The following LAMA3 variants were observed in gnomAD, a reference collection of about 807,000 sequenced individuals.
The protein encoded by LAMA3 is laminin subunit alpha 3, also known as laminin subunit alpha-3.
A neutral mutation model predicts 402.0 loss-of-function variants in LAMA3; 281 were observed. That is an observed-to-expected ratio of 0.70 (90% CI 0.63 to 0.77). The LOEUF is 0.77. LAMA3 is among the 30% of genes least tolerant of loss of function. The probability of loss-of-function intolerance (pLI) is 0.00; values close to 1 mark genes in which losing one functional copy is unlikely to be tolerated. For synonymous variants in LAMA3, 1,431 were observed against 1,558.4 expected (o/e 0.92, Z 1.93); for missense variants, 3,840 against 4,215.5 (o/e 0.91, Z 2.47).
rs1157952635 is a variant in LAMA3, at chr18:23,839,627, C to G, written c.3192-158C>G. Reference sequence around the variant, plus strand: ...GCTGGAATACACTTGGCATGAGTATCATTATATAAAGATCCCTAGAGTTCT... The same window carrying G: ...GCTGGAATACACTTGGCATGAGTATGATTATATAAAGATCCCTAGAGTTCT... On this transcript the variant is annotated intron_variant, in intron 26 of 74. Coordinates refer to ENST00000313654, the MANE Select transcript of LAMA3 (RefSeq NM_198129.4). The surrounding 1 kb of genome is among the most constrained non-coding windows in gnomAD (Gnocchi z 4.5). Among the ~76,000 whole-genome samples the G allele has an allele frequency of 1.3e-5, 2 of 152,190 alleles. No homozygotes were observed. The highest frequency in any genetic ancestry group is 3.8e-4 in the East Asian group (2 of 5,200).
In LAMA3 at chr18:23,931,145, A is replaced by G. The variant is rs764539916; in HGVS notation, c.8520A>G (p.Pro2840=). 1.2e-6 allele frequency: 2 copies of G among 1,613,398 alleles called. No individual in the cohort carries two copies. Among genetic ancestry groups the G allele is most frequent in the Admixed American group, 1.7e-5 (1 of 60,030 alleles). ...SDSGGPIFKS[P]QTYMDGLLHY... The stretch of plus-strand genomic sequence containing the variant: ...GCGGCGGCCCAATTTTTAAATCTCC[A>G]CAGACGTATATGGATGGTTTACTGC... Residue 2840 remains proline, a synonymous_variant, in exon 65 of 75, where the codon CCA becomes CCG. Coordinates refer to ENST00000313654, the MANE Select transcript of LAMA3 (RefSeq NM_198129.4).
intron 35 of LAMA3, among the ~76,000 whole-genome samples, chr18:23,864,241 A>G (rs58920155): frequency 7.0e-6 from 1 of 141,870 alleles, no homozygotes; most frequent in African/African-American, 2.6e-5. Flanking sequence ...TTTTTTTTTT[A>G]AAAGAGACAG....
Position 23,928,207 on chromosome 18 carries a change from G to A in LAMA3, c.8262G>A (p.Val2754=). 6.2e-7 allele frequency: 1 copy of A among 1,613,334 alleles called. No individual in the cohort carries two copies. The highest frequency in any genetic ancestry group is 8.5e-7 in the Non-Finnish European group (1 of 1,179,246). ...GTGTCGTTAGATTGAATGATACTGT[G>A]GGAGTAACCAAAAAGTGCTCGGAAG... is the stretch of plus-strand genomic sequence containing the variant. ...TSGVVRLNDT[V]GVTKKCSEDW... Residue 2754 remains valine (V), a synonymous_variant, in exon 63 of 75, where the codon GTG becomes GTA. Transcript: ENST00000313654.
At chr18:23,808,987 C>T (rs1419301547) in intron 12 of LAMA3, among the ~76,000 whole-genome samples, 1 of 152,172 alleles carries the variant, frequency 6.6e-6, no homozygotes, top group Admixed American at 6.5e-5. Context: ...TTACTGTGTA[C>T]ACTACACTGG....
In LAMA3 at chr18:23,810,449, G is replaced by C. The variant is rs538999696; in HGVS notation, c.1687G>C (p.Gly563Arg). 23 of 1,614,176 alleles carry C rather than the reference G, an allele frequency of 1.4e-5. No individual in the cohort carries two copies. The South Asian group carries it at 2.5e-4, about 18-fold the overall frequency. ...GQCECRPGVT[G>R]QRCDRCLSGA... ...GTGTGAATGTCGGCCAGGAGTTACA[G>C]GACAGCGGTGTGACAGGTGTCTCTC... The change falls in exon 13 of 75, where the codon GGA becomes CGA. Residue 563 changes from glycine to arginine, a missense_variant. By Grantham distance (125) the Gly-to-Arg change is moderately radical. Around this residue, in one of 3 missense-constraint regions of LAMA3, gnomAD observed 2,109 missense variants for 2,376.0 expected, o/e 0.89. Transcript: ENST00000313654.
intron 12 of LAMA3, among the ~76,000 whole-genome samples, chr18:23,792,349 C>A (rs1030995794): frequency 4.6e-5 from 7 of 152,136 alleles, no homozygotes; most frequent in African/African-American, 1.7e-4. Flanking sequence ...CATACTGGGG[C>A]AAAACATGGT....
chr18:23,745,415 A>G (rs1436618378), intron 2 of LAMA3, among the ~76,000 whole-genome samples: 1 of 152,224 alleles, frequency 6.6e-6, no homozygotes, highest in African/African-American at 2.4e-5. Context: ...GATATATCAT[A>G]ACATAGCTCC....
At chr18:23,747,920 C>T (rs1555683388) in intron 2 of LAMA3, 23 bp from the exon 3 acceptor site, 3 of 1,273,380 alleles carry the variant, frequency 2.4e-6, no homozygotes, top group South Asian at 2.4e-5. Context: ...ACATTAATAA[C>T]TGTATCTCTT....
At chr18:23,712,896 G>C (rs773131740) in intron 1 of LAMA3, among the ~76,000 whole-genome samples, 2 of 151,786 alleles carry the variant, frequency 1.3e-5, no homozygotes, top group East Asian at 3.9e-4. Context: ...ATTTAGTTTG[G>C]GAGCAGATAG....
At position 23,694,951 on chromosome 18, in the gene LAMA3, AATATTC is replaced by A. The variant is rs1276584385; in HGVS notation, c.294+4976_294+4981del. Among the ~76,000 whole-genome samples the A allele has an allele frequency of 3.9e-5, 6 of 152,190 alleles. No individual in the cohort carries two copies. The East Asian group carries it at 1.2e-3, about 29-fold the overall frequency. On this transcript the variant is annotated intron_variant, in intron 1 of 74. Coordinates refer to ENST00000313654, the MANE Select transcript of LAMA3 (RefSeq NM_198129.4). ...ACACCCCATCAATGCTTTTTGAAGA[AATATTC>A]AAAAGGCAACACCACCATAGAATTT...
At chr18:23,844,568 A>T (rs985393023) in intron 29 of LAMA3, among the ~76,000 whole-genome samples, 1 of 152,170 alleles carries the variant, frequency 6.6e-6, no homozygotes, top group Non-Finnish European at 1.5e-5. Flanking sequence ...TTCCCTGCAC[A>T]GTAATGTGGA....
intron 62 of LAMA3, among the ~76,000 whole-genome samples, chr18:23,927,386 C>T (rs1450245840): frequency 6.6e-6 from 1 of 152,166 alleles, no homozygotes; most frequent in Admixed American, 6.5e-5. Flanking sequence ...CCAGCCTGAT[C>T]TCGAACACCT....
intron 38 of LAMA3, among the ~76,000 whole-genome samples, chr18:23,875,105 T>C (rs914062344): frequency 3.3e-5 from 5 of 152,280 alleles, no homozygotes; most frequent in African/African-American, 1.2e-4. Context: ...GCTCAAGTGA[T>C]CCACCCGCCT....
intron 36 of LAMA3, among the ~76,000 whole-genome samples, chr18:23,866,776 T>G (rs2064368620): frequency 6.6e-6 from 1 of 152,238 alleles, no homozygotes; most frequent in South Asian, 2.1e-4. Context: ...TTTGTTCTAA[T>G]CCACTGTAAT....
At chr18:23,820,319 G>A (rs1398218506) in intron 19 of LAMA3, among the ~76,000 whole-genome samples, 1 of 152,154 alleles carries the variant, frequency 6.6e-6, no homozygotes, top group South Asian at 2.1e-4. Flanking sequence ...CCTAAATGAC[G>A]TTAGGCTGTA....
chr18:23,745,688 A>T (rs2061641252), intron 2 of LAMA3, among the ~76,000 whole-genome samples: 1 of 152,216 alleles, frequency 6.6e-6, no homozygotes, highest in Non-Finnish European at 1.5e-5. Context: ...GCTTCTTATT[A>T]TGAGGTCTAA....
chr18:23,867,990 A>G (rs935878938), intron 37 of LAMA3, 73 bp downstream of exon 37: 1 of 1,183,678 alleles, frequency 8.4e-7, no homozygotes, highest in African/African-American at 1.5e-5. Context: ...CATGATTTTT[A>G]CTCATTTTAA....
intron 7 of LAMA3, among the ~76,000 whole-genome samples, chr18:23,759,917 C>T (rs79556739): frequency 3.9e-4 from 59 of 152,204 alleles, no homozygotes; most frequent in African/African-American, 1.2e-3. Context: ...CACAGCTAAT[C>T]GGTTCCTTCT....
At chr18:23,855,253 AC>A (rs1229186075) in intron 32 of LAMA3, among the ~76,000 whole-genome samples, 2 of 152,204 alleles carry the variant, frequency 1.3e-5, no homozygotes, top group Non-Finnish European at 2.9e-5. Context: ...CCAGGTTGGC[AC>A]TTCATGGCAA....
Sources: gnomAD v4.1 joint callset for allele counts (sites outside exome capture counted in the v4.1 genomes callset) on GRCh38, gnomAD v4.1.1 for gene constraint, gnomAD v4.1.1 regional missense constraint, Gnocchi (gnomAD v3.1) non-coding constraint, MANE v1.5 for transcripts, NCBI Gene and HGNC (gene_info 2026-07-23, HGNC 2026-07-21) for gene names.